CYP51A1: variants seen among roughly 807,000 people sequenced by gnomAD.
CYP51A1 encodes the protein cytochrome P450 family 51 subfamily A member 1, also known as lanosterol 14-alpha demethylase.
In CYP51A1, 45 loss-of-function variants were observed where a neutral mutation model predicts 53.5. The observed-to-expected ratio is 0.84, with a 90% CI of 0.66 to 1.08. The LOEUF (loss-of-function observed/expected upper bound fraction) is 1.08, where lower values mean the gene tolerates loss of function less well. Ranked by LOEUF, CYP51A1 falls within the 50% of genes least tolerant of loss-of-function variation. The probability of loss-of-function intolerance (pLI) is 0.00; values close to 1 mark genes in which losing one functional copy is unlikely to be tolerated. For missense variants in CYP51A1, 462 were observed against 621.7 expected, an observed-to-expected ratio of 0.74 and a Z score of 2.73; for synonymous variants, 181 against 217.7, an observed-to-expected ratio of 0.83 and a Z score of 1.48.
chr7:92,127,408 T>C, intron 4 of CYP51A1, 97 bp downstream of exon 4: 2 of 1,140,232 alleles, frequency 1.8e-6, no homozygotes, highest in South Asian at 3.2e-5. Context: ...TTACATACAC[T>C]GTAATTTGTT....
At chr7:92,128,534 A>G (rs1819851948) in intron 3 of CYP51A1, among the ~76,000 whole-genome samples, 1 of 151,668 alleles carries the variant, frequency 6.6e-6, no homozygotes, top group South Asian at 2.1e-4. Flanking sequence ...CCAAGGCTAA[A>G]GTGCAGTGTT....
At chr7:92,131,657 T>A (rs1361502394) in intron 2 of CYP51A1, 117 bp downstream of exon 2, 1 of 586,274 alleles carries the variant, frequency 1.7e-6, no homozygotes, top group African/African-American at 1.9e-5. Context: ...TTTCCTATAC[T>A]GAGGATATGT....
chr7:92,120,782 T>A (rs1306971090), intron 7 of CYP51A1, among the ~76,000 whole-genome samples: 2 of 151,586 alleles, frequency 1.3e-5, no homozygotes, highest in Non-Finnish European at 2.9e-5. Context: ...CAGAAATAAA[T>A]CTTCATACAC....
At chr7:92,127,694 C>T (rs1460752198) in intron 3 of CYP51A1, 63 bp from the exon 4 acceptor site, 6 of 1,534,844 alleles carry the variant, frequency 3.9e-6, no homozygotes, top group Non-Finnish European at 5.4e-6. Flanking sequence ...TCATAAAATC[C>T]ATTTAGGTTA....
upstream of CYP51A1, chr7:92,134,685 C>T (rs941851231): frequency 2.9e-5 from 9 of 315,128 alleles, no homozygotes; most frequent in Non-Finnish European, 5.3e-5. Context: ...CGATCAATCC[C>T]TGAGAATCGC....
chr7:92,127,541 C>G lies in CYP51A1; in HGVS notation c.559G>C (p.Glu187Gln). ...CTTTCTCCCCAACTCTCAAAGTATTCCTTTGTTTCTTTTTCAATTATAGAA... is the reference window on the plus strand; with the variant it reads ...CTTTCTCCCCAACTCTCAAAGTATTGCTTTGTTTCTTTTTCAATTATAGAA... ...HVSIIEKETKEYFESWGESGE... is the reference protein window; with the variant it reads ...HVSIIEKETKQYFESWGESGE... The change falls in exon 4 of 10, where the codon GAA becomes CAA. Residue 187 changes from glutamate (E) to glutamine (Q), a missense_variant. By Grantham distance (29) the Glu-to-Gln change is conservative. Transcript: ENST00000003100. The G allele has an allele frequency of 1.2e-6, 2 of 1,612,014 alleles. No homozygotes were observed. The highest frequency in any genetic ancestry group is 1.1e-5 in the South Asian group (1 of 90,454).
intron 1 of CYP51A1, among the ~76,000 whole-genome samples, chr7:92,133,782 C>T (rs913577261): frequency 6.6e-6 from 1 of 152,182 alleles, no homozygotes; most frequent in East Asian, 1.9e-4. Context: ...AGGGCCCCAA[C>T]GACCACCGGG....
At position 92,113,559 on chromosome 7, in the gene CYP51A1, T is replaced by G; in HGVS notation, c.*106A>C. 5 of 1,092,330 alleles carry G rather than the reference T, an allele frequency of 4.6e-6. No homozygotes were observed. Among genetic ancestry groups the G allele is most frequent in the Non-Finnish European group, 6.7e-6 (5 of 751,278 alleles). 67.7% of individuals were successfully genotyped at this position (1,092,330 alleles called of 1,614,324 possible). ...TAAACTGGCTTTTAGAATTACACACTTAAAAAAACAGTAAACTACAAGAGT... is the reference window on the plus strand; with the variant it reads ...TAAACTGGCTTTTAGAATTACACACGTAAAAAAACAGTAAACTACAAGAGT... On this transcript the variant is annotated 3_prime_UTR_variant, in exon 10 of 10. Coordinates refer to ENST00000003100, the MANE Select transcript of CYP51A1 (RefSeq NM_000786.4).
intron 7 of CYP51A1, among the ~76,000 whole-genome samples, chr7:92,121,049 G>A (rs1174400588): frequency 6.6e-6 from 1 of 152,064 alleles, no homozygotes; most frequent in Non-Finnish European, 1.5e-5. Context: ...CAGCACTTTG[G>A]GAGGCCAAGG....
chr7:92,133,493 C>T (rs1251004848), intron 1 of CYP51A1, among the ~76,000 whole-genome samples: 1 of 152,188 alleles, frequency 6.6e-6, no homozygotes, highest in Non-Finnish European at 1.5e-5. Flanking sequence ...TCTGGAACTC[C>T]TGACCTCAGG....
intron 5 of CYP51A1, among the ~76,000 whole-genome samples, chr7:92,125,689 G>A (rs577204986): frequency 2.0e-5 from 3 of 152,204 alleles, no homozygotes; most frequent in Non-Finnish European, 4.4e-5. Context: ...TAAGGAATAC[G>A]TGAGGTAAGC....
rs1249778797 is a variant in CYP51A1 at position 92,112,652 on chromosome 7, ACC to A, written c.*1011_*1012del. 6.6e-6 allele frequency: 1 copy of A among 151,898 alleles called. No individual in the cohort carries two copies. The highest frequency in any genetic ancestry group is 1.5e-5 in the Non-Finnish European group (1 of 67,982). 9.4% of individuals were successfully genotyped at this position (151,898 alleles called of 1,614,324 possible). A position where few individuals can be genotyped will look rare whatever the true frequency, so the allele number is the denominator to read the frequency against. On this transcript the variant is annotated 3_prime_UTR_variant, in exon 10 of 10. Coordinates refer to ENST00000003100, the MANE Select transcript of CYP51A1 (RefSeq NM_000786.4). The stretch of plus-strand genomic sequence containing the variant: ...AGACCAGCCTAGCCAACATAGTGAA[ACC>A]CCCGTCTCTACTAAAAATACAAAAA...
At chr7:92,132,433 GTTTT>G (rs1393579093) in intron 1 of CYP51A1, among the ~76,000 whole-genome samples, 2 of 151,834 alleles carry the variant, frequency 1.3e-5, no homozygotes, top group African/African-American at 4.8e-5. Flanking sequence ...ATTAAACTGT[GTTTT>G]TTTATTTGTA....
intron 2 of CYP51A1, among the ~76,000 whole-genome samples, chr7:92,131,400 C>A (rs2130957504): frequency 6.6e-6 from 1 of 152,168 alleles, no homozygotes; most frequent in East Asian, 1.9e-4. Context: ...AGTGAAATCA[C>A]AGAAGATGTA....
chr7:92,124,545 A>G (rs185584263), intron 5 of CYP51A1, among the ~76,000 whole-genome samples: 8 of 152,314 alleles, frequency 5.3e-5, no homozygotes, highest in Non-Finnish European at 1.2e-4. Flanking sequence ...CTGACTCCCA[A>G]GCCCCCTCTT....
chr7:92,134,261 A>C lies in CYP51A1; in HGVS notation c.104T>G (p.Met35Arg). Residue 35 changes from methionine (M) to arginine (R), a missense_variant, in exon 1 of 10, where the codon ATG (methionine) becomes AGG (arginine). Met to Arg is a moderately conservative substitution (Grantham distance 91, BLOSUM62 -1). Coordinates refer to ENST00000003100, the MANE Select transcript of CYP51A1 (RefSeq NM_000786.4). ...GGTGAAGGCGCAGGCGATCAGCAGC[A>C]TGGACAAGAGGTTGCCGCCTGTCAC... ...EKVTGGNLLS[M>R]LLIACAFTLS... is the part of the protein sequence containing the mutation. 3 of 1,613,404 alleles carry C rather than the reference A, an allele frequency of 1.9e-6. No homozygotes were observed. In the South Asian group the frequency reaches 3.3e-5, roughly 18 times the overall value.
At chr7:92,118,470 T>C (rs752687258) in intron 8 of CYP51A1, 50 bp downstream of exon 8, 1 of 1,019,642 alleles carries the variant, frequency 9.8e-7, no homozygotes, top group East Asian at 2.4e-5. Context: ...ATTTCTTCTT[T>C]TTGATAAAAA....
intron 1 of CYP51A1, 69 bp from the exon 2 acceptor site, chr7:92,131,941 T>C (rs1402772080): frequency 3.1e-6 from 3 of 956,300 alleles, no homozygotes; most frequent in African/African-American, 3.3e-5. Context: ...TTTCGTTTCA[T>C]GACCAAACAA....
rs1819481135 is a variant in CYP51A1 at position 92,112,987 on chromosome 7, G to A, written c.*678C>T. The A allele has an allele frequency of 6.6e-6, 1 of 151,994 alleles. No individual in the cohort carries two copies. The highest frequency in any genetic ancestry group is 2.4e-5 in the African/African-American group (1 of 41,378). The allele number at this position is 151,994 out of a possible 1,614,324, so 9.4% of individuals were successfully genotyped here. A position where few individuals can be genotyped will look rare whatever the true frequency, so the allele number is the denominator to read the frequency against. On this transcript the variant is annotated 3_prime_UTR_variant, in exon 10 of 10. Coordinates refer to ENST00000003100, the MANE Select transcript of CYP51A1 (RefSeq NM_000786.4). The stretch of plus-strand genomic sequence containing the variant: ...TGTAATTATTTAGTAATTAGATCAA[G>A]ATACATGAGCAGTCTTTAGCATTAA...
Sources: gnomAD v4.1 joint callset for allele counts (sites outside exome capture counted in the v4.1 genomes callset) on GRCh38, gnomAD v4.1.1 for gene constraint, MANE v1.5 for transcripts, NCBI Gene and HGNC (gene_info 2026-07-23, HGNC 2026-07-21) for gene names.